P2RY14: variants seen among roughly 807,000 people sequenced by gnomAD.
P2RY14 encodes the protein purinergic receptor P2Y14, also known as P2Y purinoceptor 14.
Under a neutral mutation model 0.9 loss-of-function variants are expected in P2RY14, and 2 were observed. The ratio of observed to expected loss-of-function variants is 2.16; its 90% CI spans 0.88 to 6.79. The LOEUF is 6.79. Ranked by LOEUF, P2RY14 falls within the 30% of genes most tolerant of loss-of-function variation. The pLI is 0.05. For missense variants in P2RY14, 378 were observed against 400.1 expected, an observed-to-expected ratio of 0.94 and a Z score of 0.47; for synonymous variants, 158 against 147.2, an observed-to-expected ratio of 1.07 and a Z score of -0.53.
At chr3:151,256,241 A>T (rs1262721990) in intron 1 of P2RY14, among the ~76,000 whole-genome samples, 1 of 152,240 alleles carries the variant, frequency 6.6e-6, no homozygotes, top group Non-Finnish European at 1.5e-5. Flanking sequence ...CTAATACAAG[A>T]GGAAATAAGA....
chr3:151,223,175 C>A (rs1382997009), intron 1 of P2RY14, among the ~76,000 whole-genome samples: 1,285 of 126,434 alleles, frequency 0.01, 1 homozygote, highest in Middle Eastern at 0.018. Context: ...TTAAAAAGTC[C>A]AAAAAAAAAA....
intron 1 of P2RY14, among the ~76,000 whole-genome samples, chr3:151,232,777 T>G (rs1731955379): frequency 6.6e-6 from 1 of 152,114 alleles, no homozygotes; most frequent in Admixed American, 6.6e-5. Context: ...ACACTGAGGC[T>G]TACTTGAGGA....
At chr3:151,255,890 A>G (rs1737724981) in intron 1 of P2RY14, among the ~76,000 whole-genome samples, 1 of 152,184 alleles carries the variant, frequency 6.6e-6, no homozygotes, top group Non-Finnish European at 1.5e-5. Flanking sequence ...CCCATCTGCA[A>G]AAAGAGTCTA....
At chr3:151,276,335 A>G (rs1741849845) in intron 1 of P2RY14, among the ~76,000 whole-genome samples, 1 of 152,200 alleles carries the variant, frequency 6.6e-6, no homozygotes, top group African/African-American at 2.4e-5. Context: ...GCTCTATCCA[A>G]ACAAACTTGG....
At position 151,223,511 on chromosome 3, in the gene P2RY14, T is replaced by C. The variant is rs141868349; in HGVS notation, c.-132-3869A>G. 9.8e-5 allele frequency among the ~76,000 whole-genome samples: 15 copies of C among 152,308 alleles called. No individual in the cohort carries two copies. The East Asian group carries it at 2.7e-3, about 27-fold the overall frequency. ...TACACTGTGGAATACTATGCAGCCA[T>C]ACAAAAGAAATCATGTCCTTTGCAG... is the stretch of plus-strand genomic sequence containing the variant. On this transcript the variant is annotated intron_variant, in intron 1 of 2. Coordinates refer to ENST00000309170, the MANE Select transcript of P2RY14 (RefSeq NM_014879.4).
intron 2 of P2RY14, among the ~76,000 whole-genome samples, chr3:151,217,282 T>A (rs1010436595): frequency 1.3e-5 from 2 of 152,216 alleles, no homozygotes; most frequent in African/African-American, 4.8e-5. Flanking sequence ...ATAAAATTAT[T>A]TTCTCAGAGT....
rs1187237690 is a variant in P2RY14, at chr3:151,213,528, A to T, written c.789T>A (p.Ala263=). Residue 263 remains alanine (A), a synonymous_variant, in exon 3 of 3, where the codon GCT becomes GCA. Transcript: ENST00000309170. ...TTTCTTTTGACTGGCAGCTGTAATG[A>T]GCTTCGGTCTGACTCTTTGTGTAGG... ...RIPYTKSQTE[A]HYSCQSKEIL... 1.2e-6 allele frequency: 2 copies of T among 1,614,170 alleles called. No homozygotes were observed. The highest frequency in any genetic ancestry group is 1.7e-6 in the Non-Finnish European group (2 of 1,180,032).
chr3:151,247,409 T>G (rs1362341541), intron 1 of P2RY14, among the ~76,000 whole-genome samples: 2 of 152,040 alleles, frequency 1.3e-5, no homozygotes, highest in African/African-American at 4.8e-5. Context: ...GTGGCACATG[T>G]ACACCATGGA....
At chr3:151,245,260 C>T (rs2149407619) in intron 1 of P2RY14, among the ~76,000 whole-genome samples, 1 of 152,290 alleles carries the variant, frequency 6.6e-6, no homozygotes, top group Middle Eastern at 3.4e-3. Flanking sequence ...TCCTCCCTAA[C>T]TCATTTTATG....
chr3:151,240,220 C>A (rs1318063540), intron 1 of P2RY14, among the ~76,000 whole-genome samples: 11 of 152,064 alleles, frequency 7.2e-5, no homozygotes, highest in Non-Finnish European at 1.0e-4. Flanking sequence ...AATAGATGTT[C>A]ACTACCTGTG....
At chr3:151,270,811 C>T (rs1375907447) in intron 1 of P2RY14, among the ~76,000 whole-genome samples, 1 of 152,160 alleles carries the variant, frequency 6.6e-6, no homozygotes, top group Non-Finnish European at 1.5e-5. Flanking sequence ...AGTGATGACT[C>T]TTGCCCTGCC....
chr3:151,213,431 A>G lies in P2RY14; in HGVS notation c.886T>C (p.Phe296Leu), dbSNP rs1427603736. The change falls in exon 3 of 3, where the codon TTC (phenylalanine) becomes CTC (leucine). Residue 296 changes from phenylalanine to leucine, a missense_variant. By Grantham distance (22) the Phe-to-Leu change is conservative. Transcript: ENST00000309170. ...ANVCLDPIIY[F>L]FLCQPFREIL... is the part of the protein sequence containing the mutation. ...TCCCTAAACGGCTGGCATAGAAAGAAATAAATAATAGGGTCCAAGCATACA... is the reference window on the plus strand; with the variant it reads ...TCCCTAAACGGCTGGCATAGAAAGAGATAAATAATAGGGTCCAAGCATACA... 1.9e-6 allele frequency: 3 copies of G among 1,614,088 alleles called. No individual in the cohort carries two copies. Among genetic ancestry groups the G allele is most frequent in the Non-Finnish European group, 2.5e-6 (3 of 1,180,022 alleles).
chr3:151,256,676 T>C (rs1737870181), intron 1 of P2RY14, among the ~76,000 whole-genome samples: 1 of 152,236 alleles, frequency 6.6e-6, no homozygotes, highest in Non-Finnish European at 1.5e-5. Flanking sequence ...TTTCTCGTAT[T>C]TTAAGATCTA....
chr3:151,247,624 G>A (rs548210223), intron 1 of P2RY14, among the ~76,000 whole-genome samples: 1 of 119,386 alleles, frequency 8.4e-6, no homozygotes, highest in South Asian at 3.2e-4. Flanking sequence ...GGGTCGGGGA[G>A]GGGGGAGGGA....
At chr3:151,271,337 G>GA (rs1195918286) in intron 1 of P2RY14, among the ~76,000 whole-genome samples, 1 of 152,064 alleles carries the variant, frequency 6.6e-6, no homozygotes, top group South Asian at 2.1e-4. Flanking sequence ...CATTAGAATG[G>GA]AAAAAAACTT....
chr3:151,225,599 C>A (rs754108010), intron 1 of P2RY14, among the ~76,000 whole-genome samples: 6 of 152,184 alleles, frequency 3.9e-5, no homozygotes, highest in Non-Finnish European at 8.8e-5. Flanking sequence ...GAAACGGACA[C>A]TCAAACCGTA....
At position 151,214,287 on chromosome 3, in the gene P2RY14, T is replaced by G. The variant is rs55936523; in HGVS notation, c.30A>C (p.Pro10=). 0.081 allele frequency: 131,231 copies of G among 1,613,676 alleles called. 6,028 individuals are homozygous for G. Among genetic ancestry groups the G allele is most frequent in the Non-Finnish European group, 0.094 (110,844 of 1,179,746 alleles). ...GGAGGTTCTGAGAGCAGGATTCATC[T>G]GGAGGCTGTGTGGAGGTTGAATTGA... MINSTSTQP[P]DESCSQNLLI... is the part of the protein sequence containing the mutation. Residue 10 remains proline (P), a synonymous_variant, in exon 3 of 3, where the codon CCA becomes CCC. Transcript: ENST00000309170.
At chr3:151,260,048 A>G (rs1009243752) in intron 1 of P2RY14, among the ~76,000 whole-genome samples, 2 of 152,090 alleles carry the variant, frequency 1.3e-5, no homozygotes, top group African/African-American at 4.8e-5. Context: ...GTTTTTGTCA[A>G]CCACAGCATT....
chr3:151,270,669 G>C (rs924422511), intron 1 of P2RY14, among the ~76,000 whole-genome samples: 2 of 152,112 alleles, frequency 1.3e-5, no homozygotes, highest in Admixed American at 6.5e-5. Context: ...GTCAGCAAAG[G>C]GTGAGTTTGA....
Sources: allele counts gnomAD v4.1 joint callset (sites outside exome capture counted in the v4.1 genomes callset), GRCh38; gene constraint gnomAD v4.1.1; transcripts MANE v1.5; gene names NCBI Gene and HGNC (gene_info 2026-07-23, HGNC 2026-07-21).